Variants in SLC16A14 observed in about 807,000 individuals in gnomAD.
SLC16A14 encodes the protein solute carrier family 16 member 14, also known as monocarboxylate transporter 14.
SLC16A14 carries 14 observed loss-of-function variants against 35.8 expected under a neutral mutation model. That is an observed-to-expected ratio of 0.39 (90% CI 0.26 to 0.61). The LOEUF (loss-of-function observed/expected upper bound fraction) is 0.61. Ranked by LOEUF, SLC16A14 falls within the 20% of genes least tolerant of loss-of-function variation. The probability of loss-of-function intolerance (pLI) is 0.51; values close to 1 mark genes in which losing one functional copy is unlikely to be tolerated. For synonymous variants in SLC16A14, 248 were observed against 258.9 expected (o/e 0.96, Z 0.40); for missense variants, 533 against 655.0 (o/e 0.81, Z 2.03).
intron 1 of SLC16A14, chr2:230,066,803 C>T (rs1182978485): frequency 1.1e-5 from 3 of 281,924 alleles, no homozygotes; most frequent in Non-Finnish European, 2.1e-5. Context: ...TCTTTAGTAT[C>T]TTTAGTAGAG....
Position 230,046,821 on chromosome 2 carries a change from C to A in SLC16A14, c.404-99G>T. On this transcript the variant is annotated intron_variant, in intron 3 of 4. Transcript: ENST00000295190. The surrounding 1 kb of genome is among the most constrained non-coding windows in gnomAD (Gnocchi z 5.0). ...TCACCTGCATTTCCTTAATTAGCAT[C>A]TATTTATGCTTTTTATTTCTAACAA... The A allele has an allele frequency of 7.6e-7, 1 of 1,317,960 alleles. No homozygotes were observed. The highest frequency in any genetic ancestry group is 2.4e-5 in the East Asian group (1 of 41,124). 81.6% of individuals were successfully genotyped at this position (1,317,960 alleles called of 1,614,324 possible).
At chr2:230,045,606 A>G in intron 4 of SLC16A14, 139 bp downstream of exon 4, 1 of 957,452 alleles carries the variant, frequency 1.0e-6, no homozygotes. Context: ...AAATGTATAA[A>G]TGAGAAAGTA....
At chr2:230,051,459 C>T (rs2077659215) in intron 2 of SLC16A14, among the ~76,000 whole-genome samples, 1 of 152,196 alleles carries the variant, frequency 6.6e-6, no homozygotes, top group Non-Finnish European at 1.5e-5. Context: ...TGGCACCTGG[C>T]TGACTTTCTA....
intron 1 of SLC16A14, among the ~76,000 whole-genome samples, chr2:230,065,622 C>T (rs1470676514): frequency 2.0e-5 from 3 of 152,134 alleles, no homozygotes; most frequent in Non-Finnish European, 1.5e-5. Context: ...AGTTGTATTT[C>T]ACACTTAAAT....
intron 2 of SLC16A14, among the ~76,000 whole-genome samples, chr2:230,050,924 A>G (rs756046533): frequency 2.6e-5 from 4 of 152,198 alleles, no homozygotes; most frequent in Non-Finnish European, 4.4e-5. Context: ...GAAAACTAAT[A>G]GCCTGTTTTC....
rs763957182 is a variant in SLC16A14, at chr2:230,037,403, A to G, written c.1510T>C (p.Tyr504His). 1 of 1,609,358 alleles carries G rather than the reference A, an allele frequency of 6.2e-7. No individual in the cohort carries two copies. Among genetic ancestry groups the G allele is most frequent in the South Asian group, 1.1e-5 (1 of 90,096 alleles). ...TACTAAACATGTGCACCATCCATGT[A>G]TTTTCTTCTGGATTGTTCTATAATT... ...IRIIEQSRRK[Y>H]MDGAHV Residue 504 changes from tyrosine (Y) to histidine (H), a missense_variant, in exon 5 of 5, where the codon TAC becomes CAC. By Grantham distance (83) the Tyr-to-His change is moderately conservative. Coordinates refer to ENST00000295190, the MANE Select transcript of SLC16A14 (RefSeq NM_152527.5).
At position 230,045,235 on chromosome 2, in the gene SLC16A14, C is replaced by T. The variant is rs73998723; in HGVS notation, c.1381+510G>A. On this transcript the variant is annotated intron_variant, in intron 4 of 4. Coordinates refer to ENST00000295190, the MANE Select transcript of SLC16A14 (RefSeq NM_152527.5). ...TATCATGTGGATAGGATCAAAAGTT[C>T]ATCTGCATTTCATCTATATTCTACA... Among the ~76,000 whole-genome samples the T allele has an allele frequency of 6.3e-3, 957 of 152,314 alleles. 16 individuals are homozygous for T. The highest frequency in any genetic ancestry group is 0.022 in the African/African-American group (900 of 41,580).
At chr2:230,047,633 T>TAAA (rs1442319461) in intron 3 of SLC16A14, among the ~76,000 whole-genome samples, 1 of 152,234 alleles carries the variant, frequency 6.6e-6, no homozygotes, top group Admixed American at 6.5e-5. Context: ...AGAACTGTTT[T>TAAA]AACCAGAGGA....
chr2:230,055,200 C>A, intron 2 of SLC16A14, among the ~76,000 whole-genome samples: 1 of 152,082 alleles, frequency 6.6e-6, no homozygotes, highest in East Asian at 1.9e-4. Flanking sequence ...ATGGTCTGGC[C>A]TCCAGTGTTG....
chr2:230,065,055 C>T (rs1053498492), intron 1 of SLC16A14, among the ~76,000 whole-genome samples: 2 of 152,144 alleles, frequency 1.3e-5, no homozygotes, highest in African/African-American at 4.8e-5. Flanking sequence ...TTTTTCAGCC[C>T]GTGTGTTGAA....
In SLC16A14 at chr2:230,049,687, T is replaced by C. The variant is rs1430142994; in HGVS notation, c.403+74A>G. 4 of 1,518,410 alleles carry C rather than the reference T, an allele frequency of 2.6e-6. No individual in the cohort carries two copies. The African/African-American group carries it at 5.5e-5, about 21-fold the overall frequency. 94.1% of individuals were successfully genotyped at this position (1,518,410 alleles called of 1,614,324 possible). A position where few individuals can be genotyped will look rare whatever the true frequency, so the allele number is the denominator to read the frequency against. On this transcript the variant is annotated intron_variant, in intron 3 of 4. Coordinates refer to ENST00000295190, the MANE Select transcript of SLC16A14 (RefSeq NM_152527.5). ...AGAATGTTTTAATGTGTCTCTTTTCTCCACAATTAAATCCACTGCCAAGAT... is the reference window on the plus strand; with the variant it reads ...AGAATGTTTTAATGTGTCTCTTTTCCCCACAATTAAATCCACTGCCAAGAT...
intron 1 of SLC16A14, among the ~76,000 whole-genome samples, chr2:230,064,312 G>A (rs58522953): frequency 0.38 from 53,956 of 143,478 alleles, 10,423 homozygotes; most frequent in East Asian, 0.74. Context: ...GTGTGTGTGT[G>A]TATGTGTGTG....
intron 4 of SLC16A14, among the ~76,000 whole-genome samples, chr2:230,039,159 A>G (rs4973245): frequency 0.31 from 47,229 of 150,944 alleles, 8,717 homozygotes; most frequent in South Asian, 0.39. Flanking sequence ...TGGATTATCT[A>G]TTTACAGGGA....
intron 4 of SLC16A14, among the ~76,000 whole-genome samples, chr2:230,039,470 C>T (rs2077542953): frequency 6.6e-6 from 1 of 152,152 alleles, no homozygotes; most frequent in African/African-American, 2.4e-5. Flanking sequence ...TGGAAAGGCA[C>T]ATTGACACTG....
chr2:230,060,471 T>C (rs145874193), intron 1 of SLC16A14, among the ~76,000 whole-genome samples: 1 of 152,262 alleles, frequency 6.6e-6, no homozygotes, highest in Non-Finnish European at 1.5e-5. Flanking sequence ...GCCTCCTGAA[T>C]AACTGGGACT....
chr2:230,055,967 C>T (rs2077700426), intron 2 of SLC16A14, among the ~76,000 whole-genome samples: 1 of 152,112 alleles, frequency 6.6e-6, no homozygotes, highest in Non-Finnish European at 1.5e-5. Context: ...ACTTGAAGCC[C>T]GACACTGAAA....
intron 4 of SLC16A14, among the ~76,000 whole-genome samples, chr2:230,041,278 TG>T (rs2106243342): frequency 6.6e-6 from 1 of 152,216 alleles, no homozygotes; most frequent in East Asian, 1.9e-4. Context: ...GCTGAGGTTT[TG>T]CCATATTATA....
chr2:230,045,839 A>C lies in SLC16A14; in HGVS notation c.1287T>G (p.Thr429=). ...SGYFSLMPVV[T]EDLVGIEHLA... is the part of the protein sequence containing the mutation. ...GGTGTTCAATGCCAACCAAGTCTTC[A>C]GTCACTACGGGCATTAGGGAGAAAT... The change falls in exon 4 of 5, where the codon ACT becomes ACG. Residue 429 remains threonine, a synonymous_variant. Coordinates refer to ENST00000295190, the MANE Select transcript of SLC16A14 (RefSeq NM_152527.5). 2 of 1,614,228 alleles carry C rather than the reference A, an allele frequency of 1.2e-6. No homozygotes were observed. Among genetic ancestry groups the C allele is most frequent in the Non-Finnish European group, 1.7e-6 (2 of 1,180,042 alleles).
rs2077827296 is a variant in SLC16A14 at position 230,068,887 on chromosome 2, A to C, written c.-347T>G. 1 of 152,192 alleles carries C rather than the reference A, an allele frequency of 6.6e-6. No individual in the cohort carries two copies. The highest frequency in any genetic ancestry group is 2.4e-5 in the African/African-American group (1 of 41,416). The allele number at this position is 152,192 out of a possible 1,614,324, so 9.4% of individuals were successfully genotyped here. A position where few individuals can be genotyped will look rare whatever the true frequency, so the allele number is the denominator to read the frequency against. The stretch of plus-strand genomic sequence containing the variant: ...CTTCCTTCCAATCGGAGCAATTTCA[A>C]ATCTTCATGCTCGTTCATTCCTATA... On this transcript the variant is annotated 5_prime_UTR_variant, in exon 1 of 5. It adds an upstream start codon to the 5' untranslated region. Coordinates refer to ENST00000295190, the MANE Select transcript of SLC16A14 (RefSeq NM_152527.5). This position sits in a 1 kb window ranked among gnomAD's most constrained non-coding sequence, Gnocchi z 5.1.
Sources: allele counts gnomAD v4.1 joint callset (sites outside exome capture counted in the v4.1 genomes callset), GRCh38; gene constraint gnomAD v4.1.1; non-coding constraint Gnocchi (gnomAD v3.1); transcripts MANE v1.5; gene names NCBI Gene and HGNC (gene_info 2026-07-23, HGNC 2026-07-21).